Variants in PAPPA2 observed in about 807,000 individuals in gnomAD.
The protein encoded by PAPPA2 is pappalysin 2.
PAPPA2 carries 86 observed loss-of-function variants against 176.4 expected under a neutral mutation model. The ratio of observed to expected loss-of-function variants is 0.49; its 90% CI spans 0.41 to 0.58. The LOEUF (loss-of-function observed/expected upper bound fraction) is 0.58. PAPPA2 is among the 20% of genes least tolerant of loss of function. PAPPA2 has a pLI of 0.00. For missense variants in PAPPA2, 2,073 were observed against 2,256.9 expected (o/e 0.92, Z 1.65); for synonymous variants, 809 against 852.2 (o/e 0.95, Z 0.88).
intron 7 of PAPPA2, 62 bp from the exon 8 acceptor site, chr1:176,699,038 C>T (rs562187260): frequency 6.9e-5 from 106 of 1,528,330 alleles, no homozygotes; most frequent in South Asian, 5.0e-4. Flanking sequence ...CTGCTAAGGG[C>T]TACTCATTTT....
chr1:176,791,394 G>A lies in PAPPA2; in HGVS notation c.4932G>A (p.Lys1644=), dbSNP rs938074713. 1.9e-6 allele frequency: 3 copies of A among 1,612,292 alleles called. No individual in the cohort carries two copies. The highest frequency in any genetic ancestry group is 2.7e-5 in the African/African-American group (2 of 74,774). ...AGGGCCTGTGGACCCAGGAGTTTAA[G>A]TTGTGTGAGAATCTGCAAGGAGAAT... The part of the protein sequence containing the change: ...TKEGLWTQEF[K]LCENLQGECP... Residue 1644 remains lysine, a synonymous_variant, in exon 19 of 23, where the codon AAG becomes AAA. Transcript: ENST00000367662.
intron 1 of PAPPA2, among the ~76,000 whole-genome samples, chr1:176,491,566 G>A (rs1647294238): frequency 6.6e-6 from 1 of 152,152 alleles, no homozygotes; most frequent in Admixed American, 6.5e-5. Flanking sequence ...ATTGTAGGTA[G>A]AACCAGATTG....
At chr1:176,500,609 C>G (rs576989625) in intron 1 of PAPPA2, among the ~76,000 whole-genome samples, 246 of 151,450 alleles carry the variant, frequency 1.6e-3, no homozygotes, top group Non-Finnish European at 3.1e-3. Context: ...TGCAATAACA[C>G]TTGTAATTTA....
At chr1:176,598,731 T>C (rs969903216) in intron 3 of PAPPA2, among the ~76,000 whole-genome samples, 3 of 152,202 alleles carry the variant, frequency 2.0e-5, no homozygotes, top group Admixed American at 2.0e-4. Context: ...CTTAAAAAAA[T>C]GTTTTTTACA....
chr1:176,673,799 G>A (rs574410033), intron 4 of PAPPA2, among the ~76,000 whole-genome samples: 1 of 152,224 alleles, frequency 6.6e-6, no homozygotes, highest in Non-Finnish European at 1.5e-5. Context: ...ATGCATTGAA[G>A]TGAGTCCTGT....
At chr1:176,648,746 C>A (rs1657549742) in intron 3 of PAPPA2, among the ~76,000 whole-genome samples, 1 of 151,510 alleles carries the variant, frequency 6.6e-6, no homozygotes, top group Non-Finnish European at 1.5e-5. Context: ...TATTGATTTG[C>A]ATATGTTGAA....
intron 21 of PAPPA2, among the ~76,000 whole-genome samples, chr1:176,832,510 A>C (rs1667116826): frequency 6.6e-6 from 1 of 151,992 alleles, no homozygotes; most frequent in Non-Finnish European, 1.5e-5. Context: ...GTGCCACTGC[A>C]CCTGGCTAAT....
At chr1:176,766,663 A>G (rs559335051) in intron 15 of PAPPA2, among the ~76,000 whole-genome samples, 1 of 152,356 alleles carries the variant, frequency 6.6e-6, no homozygotes, top group African/African-American at 2.4e-5. Flanking sequence ...TATTATGAGC[A>G]TGATCATGTA....
intron 3 of PAPPA2, among the ~76,000 whole-genome samples, chr1:176,608,364 C>T (rs1456837272): frequency 1.3e-5 from 2 of 152,170 alleles, no homozygotes; most frequent in African/African-American, 4.8e-5. Context: ...TAAATCTATG[C>T]TGTGTTACTT....
intron 1 of PAPPA2, among the ~76,000 whole-genome samples, chr1:176,527,611 T>G (rs1649567771): frequency 6.6e-6 from 1 of 152,186 alleles, no homozygotes; most frequent in South Asian, 2.1e-4. Flanking sequence ...AAAGAGCTAT[T>G]TGTTCCTTTG....
At chr1:176,594,423 A>T in intron 2 of PAPPA2, 101 bp from the exon 3 acceptor site, 1 of 1,007,634 alleles carries the variant, frequency 9.9e-7, no homozygotes, top group Non-Finnish European at 1.4e-6. Flanking sequence ...CCCCATTAAA[A>T]ACCTGCATTC....
chr1:176,623,922 C>T (rs1483950329), intron 3 of PAPPA2, among the ~76,000 whole-genome samples: 1 of 151,340 alleles, frequency 6.6e-6, no homozygotes, highest in East Asian at 1.9e-4. Flanking sequence ...CTCACTACAG[C>T]CTCTTCCTCC....
chr1:176,808,028 T>C (rs1262877991), intron 21 of PAPPA2, among the ~76,000 whole-genome samples: 1 of 152,178 alleles, frequency 6.6e-6, no homozygotes, highest in Non-Finnish European at 1.5e-5. Flanking sequence ...CCATCTCGGA[T>C]CATTACTACA....
chr1:176,587,389 C>G (rs1476085835), intron 2 of PAPPA2, among the ~76,000 whole-genome samples: 1 of 152,084 alleles, frequency 6.6e-6, no homozygotes, highest in African/African-American at 2.4e-5. Flanking sequence ...AATGGTAATG[C>G]CTAGGTTTTC....
intron 1 of PAPPA2, among the ~76,000 whole-genome samples, chr1:176,519,435 T>C (rs1649093420): frequency 2.0e-5 from 3 of 152,144 alleles, no homozygotes; most frequent in African/African-American, 7.2e-5. Context: ...GCATGACCTT[T>C]AGACCTAACA....
chr1:176,636,177 A>G (rs928329737), intron 3 of PAPPA2, among the ~76,000 whole-genome samples: 2 of 152,206 alleles, frequency 1.3e-5, no homozygotes, highest in Non-Finnish European at 2.9e-5. Context: ...TGACAGTCAT[A>G]TAAATTAACA....
chr1:176,829,150 A>T (rs1393618135), intron 21 of PAPPA2, among the ~76,000 whole-genome samples: 1 of 152,186 alleles, frequency 6.6e-6, no homozygotes. Context: ...AAGGCTTGTC[A>T]ACTGCTGTGC....
chr1:176,771,067 C>G lies in PAPPA2; in HGVS notation c.4602C>G (p.Ala1534=). The change falls in exon 17 of 23, where the codon GCC becomes GCG. Residue 1534 remains alanine, a synonymous_variant. Transcript: ENST00000367662. The part of the protein sequence containing the change: ...ECDAPPIILN[A]NLLLPHCLQD... ...ATGCTCCCCCTATTATTCTGAATGC[C>G]AACTTGCTCCTGCCTCACTGCCTCC... 6.2e-7 allele frequency: 1 copy of G among 1,614,106 alleles called. No individual in the cohort carries two copies.
At chr1:176,473,900 A>G (rs1017638121) in intron 1 of PAPPA2, among the ~76,000 whole-genome samples, 2 of 152,130 alleles carry the variant, frequency 1.3e-5, no homozygotes, top group Admixed American at 1.3e-4. Context: ...CTACTTCTGA[A>G]TATGTGTCAT....
Sources: allele counts gnomAD v4.1 joint callset (sites outside exome capture counted in the v4.1 genomes callset), GRCh38; gene constraint gnomAD v4.1.1; transcripts MANE v1.5; gene names NCBI Gene and HGNC (gene_info 2026-07-23, HGNC 2026-07-21).